LRRIQ3: variants seen among roughly 807,000 people sequenced by gnomAD.
LRRIQ3 encodes leucine rich repeats and IQ motif containing 3, also known as leucine-rich repeat and IQ domain-containing protein 3.
In LRRIQ3, 75 loss-of-function variants were observed where a neutral mutation model predicts 59.3. The ratio of observed to expected loss-of-function variants is 1.26; its 90% CI spans 1.05 to 1.53. The LOEUF (loss-of-function observed/expected upper bound fraction) is 1.53, where lower values mean the gene tolerates loss of function less well. LRRIQ3 is among the 40% of genes most tolerant of loss of function. The pLI is 0.00. For synonymous variants in LRRIQ3, 250 were observed against 231.3 expected (o/e 1.08, Z -0.73); for missense variants, 831 against 710.0 (o/e 1.17, Z -1.94).
intron 6 of LRRIQ3, among the ~76,000 whole-genome samples, chr1:74,063,160 G>C (rs552557520): frequency 2.7e-4 from 41 of 151,440 alleles, no homozygotes; most frequent in African/African-American, 9.7e-4. Context: ...ACAAAACGAG[G>C]AAGGGTGTTT....
At chr1:74,163,687 C>G (rs548024336) in intron 3 of LRRIQ3, among the ~76,000 whole-genome samples, 1 of 151,364 alleles carries the variant, frequency 6.6e-6, no homozygotes, top group Non-Finnish European at 1.5e-5. Flanking sequence ...TTTTCCAGTT[C>G]GGGGCCATTA....
chr1:74,186,666 G>A (rs1477224795), intron 1 of LRRIQ3, among the ~76,000 whole-genome samples: 1 of 152,100 alleles, frequency 6.6e-6, no homozygotes, highest in Non-Finnish European at 1.5e-5. Flanking sequence ...TAGAGTTTGA[G>A]GAAGAAATGA....
intron 5 of LRRIQ3, among the ~76,000 whole-genome samples, chr1:74,085,254 C>T (rs1293749273): frequency 6.7e-6 from 1 of 149,206 alleles, no homozygotes; most frequent in East Asian, 2.0e-4. Context: ...GCAACAGATA[C>T]TATTTTAAAT....
In LRRIQ3 at chr1:74,053,683, T is replaced by C. The variant is rs185605459; in HGVS notation, c.998-11750A>G. Among the ~76,000 whole-genome samples the C allele has an allele frequency of 5.9e-4, 90 of 152,004 alleles. No individual in the cohort carries two copies. In the East Asian group the frequency reaches 0.015, roughly 25 times the overall value. On this transcript the variant is annotated intron_variant, in intron 6 of 7. Coordinates refer to ENST00000354431, the MANE Select transcript of LRRIQ3 (RefSeq NM_001105659.2). The stretch of plus-strand genomic sequence containing the variant: ...GCCTGAGCAACACAGCCAGACCTTG[T>C]CTCTAAAAGCAAATAAATAAATAAA...
chr1:74,109,314 G>C (rs1263405667), intron 5 of LRRIQ3, 80 bp downstream of exon 5: 1 of 1,016,248 alleles, frequency 9.8e-7, no homozygotes, highest in Non-Finnish European at 1.5e-6. Flanking sequence ...AGAGACTGAA[G>C]AAATAATAGC....
At chr1:74,176,333 C>G (rs1649636900) in intron 3 of LRRIQ3, among the ~76,000 whole-genome samples, 3 of 152,066 alleles carry the variant, frequency 2.0e-5, no homozygotes, top group Admixed American at 6.5e-5. Context: ...TTTTGTCACT[C>G]TCATTGTTTT....
intron 5 of LRRIQ3, among the ~76,000 whole-genome samples, chr1:74,108,725 T>G (rs764623112): frequency 2.6e-5 from 4 of 151,782 alleles, no homozygotes; most frequent in Non-Finnish European, 5.9e-5. Context: ...CATTAATTAG[T>G]GTCCAAATCA....
chr1:74,038,920 TC>T (rs1234141611), intron 7 of LRRIQ3, among the ~76,000 whole-genome samples: 9 of 152,136 alleles, frequency 5.9e-5, no homozygotes, highest in Non-Finnish European at 8.8e-5. Context: ...CCTCCTCTCC[TC>T]CAAATGATCA....
intron 6 of LRRIQ3, among the ~76,000 whole-genome samples, chr1:74,046,782 G>T (rs2100404041): frequency 6.6e-6 from 1 of 152,230 alleles, no homozygotes; most frequent in Admixed American, 6.5e-5. Context: ...ATCAAAAAGT[G>T]GGCAAAGGAT....
intron 4 of LRRIQ3, among the ~76,000 whole-genome samples, chr1:74,139,170 A>T (rs935578593): frequency 1.3e-5 from 2 of 151,314 alleles, no homozygotes; most frequent in African/African-American, 4.9e-5. Context: ...ATACACACAT[A>T]CATAAATGTA....
intron 5 of LRRIQ3, among the ~76,000 whole-genome samples, chr1:74,106,310 T>C (rs1371561561): frequency 6.6e-6 from 1 of 151,958 alleles, no homozygotes; most frequent in Non-Finnish European, 1.5e-5. Flanking sequence ...CTCTCCTTCC[T>C]TACAACATAG....
intron 7 of LRRIQ3, among the ~76,000 whole-genome samples, chr1:74,040,398 C>A (rs1056342172): frequency 1.3e-5 from 2 of 152,142 alleles, no homozygotes; most frequent in Admixed American, 6.6e-5. Context: ...ATAAAATTAA[C>A]AAGGATATTC....
At chr1:74,180,853 AC>A (rs1272290334) in intron 3 of LRRIQ3, 1 of 1,494,508 alleles carries the variant, frequency 6.7e-7, no homozygotes, top group Non-Finnish European at 9.1e-7. Context: ...TTCCCCATCC[AC>A]CCTAGCTAAT....
At chr1:74,127,575 A>G (rs140143771) in intron 4 of LRRIQ3, among the ~76,000 whole-genome samples, 84 of 152,072 alleles carry the variant, frequency 5.5e-4, no homozygotes, top group African/African-American at 2.0e-3. Flanking sequence ...ATGATTGTAT[A>G]AACAAAAAAA....
chr1:74,181,814 T>C (rs909737202), intron 3 of LRRIQ3: 2 of 151,862 alleles, frequency 1.3e-5, no homozygotes, highest in African/African-American at 2.4e-5. Flanking sequence ...AATGTTTATA[T>C]ATTCTTTTAG....
At chr1:74,063,811 T>C (rs532762798) in intron 6 of LRRIQ3, among the ~76,000 whole-genome samples, 5 of 151,736 alleles carry the variant, frequency 3.3e-5, no homozygotes, top group Non-Finnish European at 7.4e-5. Context: ...TTAAAAAGTA[T>C]GTAGGTAGAT....
intron 6 of LRRIQ3, among the ~76,000 whole-genome samples, chr1:74,049,254 G>A (rs1180338667): frequency 6.6e-6 from 1 of 152,132 alleles, no homozygotes; most frequent in Non-Finnish European, 1.5e-5. Context: ...ATTCTATGCG[G>A]CATGGTAGGT....
At chr1:74,080,377 T>C (rs927769741) in intron 5 of LRRIQ3, among the ~76,000 whole-genome samples, 3 of 151,674 alleles carry the variant, frequency 2.0e-5, no homozygotes, top group African/African-American at 7.2e-5. Context: ...AATTGACAAA[T>C]TGAATAAGTA....
chr1:74,034,978 T>G (rs1385295750), intron 7 of LRRIQ3, among the ~76,000 whole-genome samples: 1 of 152,004 alleles, frequency 6.6e-6, no homozygotes, highest in Non-Finnish European at 1.5e-5. Flanking sequence ...GCTGACCAGT[T>G]TCAATCTAAT....
Sources: allele counts gnomAD v4.1 joint callset (sites outside exome capture counted in the v4.1 genomes callset), GRCh38; gene constraint gnomAD v4.1.1; transcripts MANE v1.5; gene names NCBI Gene and HGNC (gene_info 2026-07-23, HGNC 2026-07-21).